Variants in KCNIP4 observed in about 807,000 individuals in gnomAD.
KCNIP4 encodes the protein Kv channel-interacting protein 4.
Under a neutral mutation model 34.0 loss-of-function variants are expected in KCNIP4, and 12 were observed. The observed-to-expected ratio is 0.35, with a 90% CI of 0.23 to 0.57. The LOEUF (loss-of-function observed/expected upper bound fraction) is 0.57. Among genes scored for constraint, KCNIP4 ranks in the 20% least tolerant of loss-of-function variants. The pLI is 0.83. For missense variants in KCNIP4, 238 were observed against 311.7 expected (o/e 0.76, Z 1.78); for synonymous variants, 124 against 102.2 (o/e 1.21, Z -1.29).
At chr4:20,931,182 CACACACACACACACAG>C (rs1730430001) in intron 1 of KCNIP4, among the ~76,000 whole-genome samples, 1 of 151,376 alleles carries the variant, frequency 6.6e-6, no homozygotes, top group Non-Finnish European at 1.5e-5. Context: ...GTGGTACACA[CACACACACACACACAG>C]ACACACACAC....
At chr4:21,252,651 T>C (rs1480221757) in intron 1 of KCNIP4, among the ~76,000 whole-genome samples, 1 of 151,926 alleles carries the variant, frequency 6.6e-6, no homozygotes, top group African/African-American at 2.4e-5. Flanking sequence ...AATTTCCCCA[T>C]GCTGTCAATC....
intron 1 of KCNIP4, among the ~76,000 whole-genome samples, chr4:21,190,958 C>A (rs573105607): frequency 6.6e-6 from 1 of 152,282 alleles, no homozygotes; most frequent in East Asian, 1.9e-4. Flanking sequence ...AGTAATCCTT[C>A]CCTGGATAGG....
intron 1 of KCNIP4, among the ~76,000 whole-genome samples, chr4:21,092,358 G>C (rs1747070532): frequency 6.6e-6 from 1 of 151,814 alleles, no homozygotes; most frequent in South Asian, 2.1e-4. Context: ...CTCAGCAGGA[G>C]TCAGTCTAAA....
chr4:21,731,381 G>A (rs545678490), intron 1 of KCNIP4, among the ~76,000 whole-genome samples: 6 of 152,240 alleles, frequency 3.9e-5, no homozygotes, highest in African/African-American at 7.2e-5. Context: ...CGCTTTCGAC[G>A]TGATAGAGGA....
chr4:20,956,838 G>C (rs931778243), intron 1 of KCNIP4, among the ~76,000 whole-genome samples: 1 of 152,116 alleles, frequency 6.6e-6, no homozygotes, highest in Non-Finnish European at 1.5e-5. Context: ...TAATAGAACT[G>C]AATAGAATAA....
intron 1 of KCNIP4, among the ~76,000 whole-genome samples, chr4:21,145,619 A>C (rs1321161492): frequency 6.6e-6 from 1 of 152,206 alleles, no homozygotes; most frequent in Non-Finnish European, 1.5e-5. Flanking sequence ...AAAATTCAGA[A>C]GCTATAAAAA....
chr4:21,491,837 T>C (rs892083516), intron 1 of KCNIP4, among the ~76,000 whole-genome samples: 20 of 152,296 alleles, frequency 1.3e-4, no homozygotes, highest in Admixed American at 1.1e-3. Flanking sequence ...ATAATCATAA[T>C]TAAGCTACCA....
At chr4:21,255,439 A>G (rs1449579616) in intron 1 of KCNIP4, among the ~76,000 whole-genome samples, 1 of 152,086 alleles carries the variant, frequency 6.6e-6, no homozygotes, top group African/African-American at 2.4e-5. Context: ...AAAGTTATCA[A>G]AAATCCATCT....
chr4:21,800,331 A>G (rs1022834930), intron 1 of KCNIP4, among the ~76,000 whole-genome samples: 1 of 152,204 alleles, frequency 6.6e-6, no homozygotes, highest in Admixed American at 6.5e-5. Flanking sequence ...AAGACTTGCT[A>G]TAATTCATTG....
intron 1 of KCNIP4, among the ~76,000 whole-genome samples, chr4:21,670,029 A>G (rs1304501999): frequency 6.6e-6 from 1 of 152,152 alleles, no homozygotes; most frequent in Non-Finnish European, 1.5e-5. Flanking sequence ...AATCTTCCAT[A>G]AGCATATTTA....
chr4:20,868,518 A>T (rs890212916), intron 2 of KCNIP4, among the ~76,000 whole-genome samples: 8 of 152,114 alleles, frequency 5.3e-5, no homozygotes, highest in African/African-American at 1.9e-4. Context: ...AAATAATTCT[A>T]CCAAAAAGAC....
intron 2 of KCNIP4, among the ~76,000 whole-genome samples, chr4:20,876,566 G>T (rs1724057155): frequency 1.3e-5 from 2 of 151,636 alleles, no homozygotes; most frequent in African/African-American, 2.4e-5. Context: ...GAATTGGGAA[G>T]AAATCTTTTT....
In KCNIP4 at chr4:21,057,205, G is replaced by A. The variant is rs1469735; in HGVS notation, c.62-174496C>T. Among the ~76,000 whole-genome samples, 15 of 152,048 alleles carry A rather than the reference G, an allele frequency of 9.9e-5. 1 individual carries two copies. In the South Asian group the frequency reaches 2.3e-3, roughly 23 times the overall value. ...TAATTGAGGACCATGTTTACAATGC[G>A]TACAAATCATAAATCAATTAGTTCA... On this transcript the variant is annotated intron_variant, in intron 1 of 8. Coordinates refer to ENST00000382152, the MANE Select transcript of KCNIP4 (RefSeq NM_025221.6).
At position 20,795,450 on chromosome 4, in the gene KCNIP4, A is replaced by G. The variant is rs537869502; in HGVS notation, c.289-36560T>C. 1.6e-3 allele frequency among the ~76,000 whole-genome samples: 240 copies of G among 152,228 alleles called. 2 individuals carry two copies. The highest frequency in any genetic ancestry group is 5.3e-3 in the African/African-American group (221 of 41,540). ...TTCATAGTTTTCATTCTAATTTGTCATAGTTTTCATTCTAATTTGTTTGCT... is the reference window on the plus strand; with the variant it reads ...TTCATAGTTTTCATTCTAATTTGTCGTAGTTTTCATTCTAATTTGTTTGCT... On this transcript the variant is annotated intron_variant, in intron 3 of 8. Coordinates refer to ENST00000382152, the MANE Select transcript of KCNIP4 (RefSeq NM_025221.6).
At chr4:21,035,503 T>C (rs1164134455) in intron 1 of KCNIP4, among the ~76,000 whole-genome samples, 1 of 152,210 alleles carries the variant, frequency 6.6e-6, no homozygotes, top group African/African-American at 2.4e-5. Flanking sequence ...AAGTTATGGC[T>C]CATGTTTCAT....
intron 1 of KCNIP4, among the ~76,000 whole-genome samples, chr4:20,967,377 G>A (rs1395250987): frequency 6.6e-6 from 1 of 152,118 alleles, no homozygotes; most frequent in Non-Finnish European, 1.5e-5. Context: ...TAGATTCAAT[G>A]CAATCCCCAT....
Position 21,261,076 on chromosome 4 carries a change from G to A in KCNIP4, c.62-378367C>T, listed in dbSNP as rs559255048. Among the ~76,000 whole-genome samples the A allele has an allele frequency of 9.2e-5, 14 of 152,168 alleles. No homozygotes were observed. The South Asian group carries it at 2.1e-3, about 23-fold the overall frequency. On this transcript the variant is annotated intron_variant, in intron 1 of 8. Transcript: ENST00000382152. Reference sequence around the variant, plus strand: ...ATGATGATCCTAGAATTTAACAGCCGGTTTTGGAGTTCACTGTGTCTAATA... The same window carrying A: ...ATGATGATCCTAGAATTTAACAGCCAGTTTTGGAGTTCACTGTGTCTAATA...
chr4:21,188,729 G>A (rs1755421958), intron 1 of KCNIP4, among the ~76,000 whole-genome samples: 2 of 152,176 alleles, frequency 1.3e-5, no homozygotes, highest in Admixed American at 1.3e-4. Context: ...CACAAGAGTA[G>A]CATCCCGAAG....
intron 1 of KCNIP4, among the ~76,000 whole-genome samples, chr4:21,148,687 G>GA (rs200721752): frequency 0.1 from 13,709 of 135,396 alleles, 774 homozygotes; most frequent in East Asian, 0.21. Context: ...TACTACAGAA[G>GA]AAAAAAAAAA....
Sources: allele counts gnomAD v4.1 joint callset (sites outside exome capture counted in the v4.1 genomes callset), GRCh38; gene constraint gnomAD v4.1.1; transcripts MANE v1.5; gene names NCBI Gene and HGNC (gene_info 2026-07-23, HGNC 2026-07-21).